The following GPAM variants were observed in gnomAD, a reference collection of about 807,000 sequenced individuals.
GPAM encodes the protein glycerol-3-phosphate acyltransferase 1, mitochondrial.
A neutral mutation model predicts 105.0 loss-of-function variants in GPAM; 56 were observed. The observed-to-expected ratio is 0.53, with a 90% confidence interval of 0.43 to 0.67. The LOEUF (loss-of-function observed/expected upper bound fraction) is 0.67. Among genes scored for constraint, GPAM ranks in the 30% least tolerant of loss-of-function variants. The pLI is 0.00. For missense variants in GPAM, 855 were observed against 989.8 expected (o/e 0.86, Z 1.83); for synonymous variants, 368 against 354.4 (o/e 1.04, Z -0.43).
intron 9 of GPAM, among the ~76,000 whole-genome samples, chr10:112,171,189 T>C (rs925323406): frequency 2.6e-5 from 4 of 152,206 alleles, no homozygotes; most frequent in African/African-American, 9.7e-5. Context: ...CAATTCTTTG[T>C]TGGTGATCAG....
the GPAM span, among the ~76,000 whole-genome samples, chr10:112,224,117 C>T: frequency 6.6e-6 from 1 of 152,112 alleles, no homozygotes; most frequent in African/African-American, 2.4e-5. Context: ...GTTCACATCC[C>T]ACACCCCCCA....
intron 1 of GPAM, among the ~76,000 whole-genome samples, chr10:112,202,615 G>A (rs1161418529): frequency 2.6e-5 from 4 of 152,102 alleles, no homozygotes; most frequent in Non-Finnish European, 2.9e-5. Context: ...GGTTCCATTC[G>A]CATTGTAGTT....
intron 1 of GPAM, among the ~76,000 whole-genome samples, chr10:112,198,313 G>A (rs369805987): frequency 1.8e-4 from 28 of 152,226 alleles, no homozygotes; most frequent in Middle Eastern, 3.4e-3. Context: ...GAATCACAGC[G>A]TTCTCCAGAT....
Position 112,153,623 on chromosome 10 carries a change from A to G in GPAM, c.2414T>C (p.Leu805Pro). 1 of 1,613,556 alleles carries G rather than the reference A, an allele frequency of 6.2e-7. No individual in the cohort carries two copies. The highest frequency in any genetic ancestry group is 2.2e-5 in the East Asian group (1 of 44,890). The change falls in exon 22 of 22, where the codon CTG becomes CCG. Residue 805 changes from leucine (L) to proline (P), a missense_variant. Leu to Pro is a moderately conservative substitution (Grantham distance 98, BLOSUM62 -3). Coordinates refer to ENST00000348367, the MANE Select transcript of GPAM (RefSeq NM_001244949.2). ...GCATTGAGGTAGAAAAGTGCTGCTC[A>G]GTTCTAAAACAGACACTCTCTTTTG... Reference protein sequence around the residue: ...TKQKRVSVLELSSTFLPQCNR... With the variant: ...TKQKRVSVLEPSSTFLPQCNR...
Position 112,166,433 on chromosome 10 carries a change from C to T in GPAM, c.1190G>A (p.Arg397Gln), listed in dbSNP as rs1589586032. The part of the protein sequence containing the change: ...RMLRKNYGCV[R>Q]VDFAQPFSLK... The stretch of plus-strand genomic sequence containing the variant: ...GGAAAATGGCTGTGCAAAATCCACT[C>T]GGACACAACCATAGTTTTTTCGTAA... Residue 397 changes from arginine (R) to glutamine (Q), a missense_variant, in exon 12 of 22, where the codon CGA (arginine) becomes CAA (glutamine). Physicochemically the swap from Arg to Gln is conservative, Grantham distance 43 (BLOSUM62 1). Coordinates refer to ENST00000348367, the MANE Select transcript of GPAM (RefSeq NM_001244949.2). 4.4e-6 allele frequency: 7 copies of T among 1,605,724 alleles called. No individual in the cohort carries two copies. Among genetic ancestry groups the T allele is most frequent in the East Asian group, 2.2e-5 (1 of 44,824 alleles).
In GPAM at chr10:112,163,748, G is replaced by GT; in HGVS notation, c.1375_1376insA (p.Ser459TyrfsTer12). 6.2e-7 allele frequency: 1 copy of GT among 1,602,026 alleles called. No individual in the cohort carries two copies. Among genetic ancestry groups the GT allele is most frequent in the Non-Finnish European group, 8.6e-7 (1 of 1,169,010 alleles). On this transcript the variant is annotated frameshift_variant, in exon 14 of 22. Transcript: ENST00000348367. LOFTEE classifies it high-confidence loss of function. Reference sequence around the variant, plus strand: ...ATTTGCAATCAACCTCCTTCGTAGGGATTCATCTGTTGCATTTCTGGACTC... The same window carrying GT: ...ATTTGCAATCAACCTCCTTCGTAGGGTATTCATCTGTTGCATTTCTGGACTC...
chr10:112,209,079 C>T (rs1186199737), intron 1 of GPAM, among the ~76,000 whole-genome samples: 4 of 152,214 alleles, frequency 2.6e-5, no homozygotes, highest in Non-Finnish European at 1.5e-5. Context: ...TGTGAATACA[C>T]TGCACTGCTC....
intron 1 of GPAM, among the ~76,000 whole-genome samples, chr10:112,213,967 T>C (rs1288376582): frequency 2.0e-5 from 3 of 152,154 alleles, no homozygotes; most frequent in Non-Finnish European, 2.9e-5. Flanking sequence ...GCAGTTTCCA[T>C]AAATTTATGA....
rs572987280 is a variant in GPAM, at chr10:112,198,674, G to GC, written n.211-15784dup. On this transcript the variant is annotated intron_variant and non_coding_transcript_variant, in intron 1 of 3. Coordinates refer to the GPAM transcript ENST00000480130. ...TGATTCAGCAAGCCCACTTCTGGATGCATATCCAAACGAATTGAAATTGCT... is the reference window on the plus strand; with the variant it reads ...TGATTCAGCAAGCCCACTTCTGGATGCCATATCCAAACGAATTGAAATTGCT... 1.2e-4 allele frequency among the ~76,000 whole-genome samples: 19 copies of GC among 152,294 alleles called. No individual in the cohort carries two copies. The South Asian group carries it at 3.9e-3, about 32-fold the overall frequency.
chr10:112,226,081 G>A, the GPAM span, among the ~76,000 whole-genome samples: 1 of 152,114 alleles, frequency 6.6e-6, no homozygotes, highest in Non-Finnish European at 1.5e-5. Flanking sequence ...TCCCAAGCTA[G>A]GCCCTGAGTT....
the GPAM span, among the ~76,000 whole-genome samples, chr10:112,224,556 G>A: frequency 6.6e-6 from 1 of 152,024 alleles, no homozygotes; most frequent in Non-Finnish European, 1.5e-5. Context: ...TGTATTCAAA[G>A]CAAAGCCCAT....
At position 112,157,241 on chromosome 10, in the gene GPAM, C is replaced by A. The variant is rs1412202777; in HGVS notation, c.2121+8G>T. On this transcript the variant is annotated splice_region_variant and intron_variant, in intron 19 of 21. Coordinates refer to ENST00000348367, the MANE Select transcript of GPAM (RefSeq NM_001244949.2). The stretch of plus-strand genomic sequence containing the variant: ...TGTAATATCCACCAGAATTCTTCAC[C>A]CAAGTACCTTCAGGTAGCAATCTCG... 6.2e-7 allele frequency: 1 copy of A among 1,612,244 alleles called. No individual in the cohort carries two copies. Among genetic ancestry groups the A allele is most frequent in the East Asian group, 2.2e-5 (1 of 44,886 alleles).
At chr10:112,174,069 A>G (rs1847360629) in intron 6 of GPAM, among the ~76,000 whole-genome samples, 1 of 152,146 alleles carries the variant, frequency 6.6e-6, no homozygotes, top group South Asian at 2.1e-4. Flanking sequence ...GGAATCTGGA[A>G]AGCAGACTAA....
At chr10:112,214,238 G>A (rs1847944704) in intron 1 of GPAM, 2 of 152,248 alleles carry the variant, frequency 1.3e-5, no homozygotes, top group Admixed American at 1.3e-4. Context: ...AAAGAGTGGA[G>A]AGAGGAAATG....
chr10:112,192,459 A>G (rs1847671855), intron 1 of GPAM, among the ~76,000 whole-genome samples: 1 of 152,238 alleles, frequency 6.6e-6, no homozygotes. Context: ...CCGATATTGG[A>G]TAAGGTGGTC....
At chr10:112,216,249 G>A (rs894249240), upstream of GPAM, among the ~76,000 whole-genome samples, 7 of 152,186 alleles carry the variant, frequency 4.6e-5, no homozygotes, top group African/African-American at 1.2e-4. Context: ...ATATGCATTC[G>A]TTCAACAGTT....
At position 112,150,735 on chromosome 10, in the gene GPAM, C is replaced by T; in HGVS notation, c.*2815G>A. The T allele has an allele frequency of 1.0e-6, 1 of 982,302 alleles. No individual in the cohort carries two copies. The highest frequency in any genetic ancestry group is 4.7e-5 in the South Asian group (1 of 21,216). 60.8% of individuals were successfully genotyped at this position (982,302 alleles called of 1,614,324 possible). A position where few individuals can be genotyped will look rare whatever the true frequency, so the allele number is the denominator to read the frequency against. On this transcript the variant is annotated 3_prime_UTR_variant, in exon 22 of 22. Transcript: ENST00000348367. ...CTGCGCTAAAGTGCATTGTAAGTTT[C>T]CAGGTGCAAACTTGGTTTCCCAGCA...
At chr10:112,159,516 C>A (rs1211146023) in intron 17 of GPAM, among the ~76,000 whole-genome samples, 1 of 152,162 alleles carries the variant, frequency 6.6e-6, no homozygotes, top group Non-Finnish European at 1.5e-5. Flanking sequence ...AGCCACCGCA[C>A]CTGGCCGAGC....
chr10:112,156,383 G>A, intron 19 of GPAM: 1 of 342,856 alleles, frequency 2.9e-6, no homozygotes, highest in South Asian at 2.6e-5. Context: ...CCTAAGACCA[G>A]GCCCTCCATG....
Sources: gnomAD v4.1 joint callset for allele counts (sites outside exome capture counted in the v4.1 genomes callset) on GRCh38, gnomAD v4.1.1 for gene constraint, MANE v1.5 for transcripts, NCBI Gene and HGNC (gene_info 2026-07-23, HGNC 2026-07-21) for gene names.